AASS: variants seen among roughly 807,000 people sequenced by gnomAD.
The protein encoded by AASS is alpha-aminoadipic semialdehyde synthase, mitochondrial.
Under a neutral mutation model 105.4 loss-of-function variants are expected in AASS, and 86 were observed. The ratio of observed to expected loss-of-function variants is 0.82; its 90% CI spans 0.69 to 0.98. The LOEUF (loss-of-function observed/expected upper bound fraction) is 0.98, where lower values mean the gene tolerates loss of function less well. Among genes scored for constraint, AASS ranks in the 50% least tolerant of loss-of-function variants. The pLI is 0.00. For synonymous variants in AASS, 381 were observed against 394.8 expected, an observed-to-expected ratio of 0.96 and a Z score of 0.41; for missense variants, 1,048 against 1,143.2, an observed-to-expected ratio of 0.92 and a Z score of 1.20.
chr7:122,083,362 C>T (rs1163953731), intron 19 of AASS, among the ~76,000 whole-genome samples: 1 of 152,098 alleles, frequency 6.6e-6, no homozygotes, highest in Admixed American at 6.6e-5. Flanking sequence ...ATACTGATTT[C>T]TGAGCTATTT....
chr7:122,122,173 G>C (rs936725646), intron 4 of AASS, among the ~76,000 whole-genome samples: 7 of 151,906 alleles, frequency 4.6e-5, no homozygotes, highest in Non-Finnish European at 1.0e-4. Flanking sequence ...TTTTTGGCTT[G>C]GGGTTTATTG....
intron 1 of AASS, among the ~76,000 whole-genome samples, chr7:122,141,294 C>T (rs1369495591): frequency 6.6e-6 from 1 of 152,098 alleles, no homozygotes; most frequent in Non-Finnish European, 1.5e-5. Context: ...TTTCTCCAGC[C>T]CATCACCTAC....
intron 8 of AASS, 71 bp downstream of exon 8, chr7:122,116,562 T>G (rs1795186695): frequency 3.8e-6 from 6 of 1,592,726 alleles, no homozygotes; most frequent in Non-Finnish European, 3.4e-6. Context: ...ATTCATAATT[T>G]CTCTCCTTGA....
chr7:122,131,793 A>T (rs1795929863), intron 2 of AASS, among the ~76,000 whole-genome samples: 3 of 152,090 alleles, frequency 2.0e-5, no homozygotes, highest in Admixed American at 2.0e-4. Context: ...TAATTTCCTG[A>T]TGTGGGGCAG....
chr7:122,084,679 G>A (rs1793538627), intron 19 of AASS, among the ~76,000 whole-genome samples: 2 of 152,002 alleles, frequency 1.3e-5, no homozygotes, highest in African/African-American at 4.8e-5. Context: ...AATACCTGGA[G>A]GAAAAGTTCC....
At chr7:122,124,636 CT>C (rs909236834) in intron 4 of AASS, among the ~76,000 whole-genome samples, 44 of 152,090 alleles carry the variant, frequency 2.9e-4, no homozygotes, top group African/African-American at 1.0e-3. Context: ...TGTTTACTTG[CT>C]TGAATGCTTC....
chr7:122,115,090 G>C lies in AASS; in HGVS notation c.1027C>G (p.Pro343Ala), dbSNP rs753881981. ...AGTCCTTACTTGTGTGGTAATGCAGGGCAGCCTTCCACACCAGCAGGTGAG... is the reference window on the plus strand; with the variant it reads ...AGTCCTTACTTGTGTGGTAATGCAGCGCAGCCTTCCACACCAGCAGGTGAG... ...KFSPAGVEGCPALPHKLVAIC... is the reference protein window; with the variant it reads ...KFSPAGVEGCAALPHKLVAIC... Residue 343 changes from proline (P) to alanine (A), a missense_variant, in exon 9 of 24, where the codon CCT becomes GCT. Pro to Ala is a conservative substitution (Grantham distance 27, BLOSUM62 -1). Coordinates refer to ENST00000417368, the MANE Select transcript of AASS (RefSeq NM_005763.4). 1.9e-6 allele frequency: 3 copies of C among 1,613,944 alleles called. No homozygotes were observed. Among genetic ancestry groups the C allele is most frequent in the Non-Finnish European group, 2.5e-6 (3 of 1,179,994 alleles).
At chr7:122,076,649 G>T in intron 23 of AASS, 42 bp from the exon 24 acceptor site, 1 of 1,423,518 alleles carries the variant, frequency 7.0e-7, no homozygotes, top group Non-Finnish European at 9.9e-7. Flanking sequence ...CAAAGGTTGT[G>T]TCAGAGGTTA....
At chr7:122,129,682 G>T (rs1795819595) in intron 2 of AASS, 145 bp from the exon 3 acceptor site, 2 of 717,760 alleles carry the variant, frequency 2.8e-6, no homozygotes, top group Non-Finnish European at 4.7e-6. Flanking sequence ...ACAACTACTT[G>T]TAATGTTTGT....
At position 122,133,603 on chromosome 7, in the gene AASS, G is replaced by A. The variant is rs1410277099; in HGVS notation, c.124C>T (p.Leu42=). ...ATGCCTTTGATGTGCTTGGGAGCTA[G>A]CGGGGCCCTTCTCTCCCAGGCGTTC... ...DVNAWERRAP[L]APKHIKGITN... The change falls in exon 2 of 24, where the codon CTA becomes TTA. Residue 42 remains leucine, a synonymous_variant. Transcript: ENST00000417368. 2 of 1,614,012 alleles carry A rather than the reference G, an allele frequency of 1.2e-6. No homozygotes were observed. The highest frequency in any genetic ancestry group is 2.2e-5 in the East Asian group (1 of 44,884).
chr7:122,079,219 G>A lies in AASS; in HGVS notation c.2397-269C>T, dbSNP rs568131802. ...CCCATGTTCTTACAAAGATCTTTAT[G>A]AGATTAATTTATAGGTTAGTTCTCC... On this transcript the variant is annotated intron_variant, in intron 21 of 23. Transcript: ENST00000417368. 4.4e-4 allele frequency: 602 copies of A among 1,381,334 alleles called. 2 individuals are homozygous for A. The highest frequency in any genetic ancestry group is 2.2e-3 in the East Asian group (74 of 34,368). 85.6% of individuals were successfully genotyped at this position (1,381,334 alleles called of 1,614,324 possible). A position where few individuals can be genotyped will look rare whatever the true frequency, so the allele number is the denominator to read the frequency against.
intron 18 of AASS, 135 bp downstream of exon 18, chr7:122,091,568 G>T: frequency 7.3e-7 from 1 of 1,364,068 alleles, no homozygotes; most frequent in Non-Finnish European, 1.0e-6. Context: ...AATATACACT[G>T]GGAAACAACA....
At chr7:122,089,128 G>A (rs1340380038) in intron 18 of AASS, among the ~76,000 whole-genome samples, 1 of 152,064 alleles carries the variant, frequency 6.6e-6, no homozygotes, top group Non-Finnish European at 1.5e-5. Context: ...CCGCTCCACA[G>A]TGGAGGGTGG....
intron 23 of AASS, among the ~76,000 whole-genome samples, chr7:122,077,395 C>A (rs1422759459): frequency 1.3e-5 from 2 of 152,094 alleles, no homozygotes; most frequent in African/African-American, 4.8e-5. Flanking sequence ...GAGTGAATAT[C>A]TTTTTCTATT....
At chr7:122,081,196 C>G (rs1051687634) in intron 20 of AASS, among the ~76,000 whole-genome samples, 3 of 152,156 alleles carry the variant, frequency 2.0e-5, no homozygotes, top group Non-Finnish European at 4.4e-5. Context: ...ACTGGGTCAC[C>G]ACCTAGACAA....
At chr7:122,122,536 TA>T (rs1453493395) in intron 4 of AASS, among the ~76,000 whole-genome samples, 2 of 152,130 alleles carry the variant, frequency 1.3e-5, no homozygotes, top group Admixed American at 1.3e-4. Context: ...TGGCATTCAG[TA>T]AAAAATTATG....
intron 1 of AASS, among the ~76,000 whole-genome samples, chr7:122,143,576 G>C (rs1387751854): frequency 6.6e-6 from 1 of 151,472 alleles, no homozygotes; most frequent in African/African-American, 2.4e-5. Context: ...ACCCATCTCC[G>C]ATCCTTGCTG....
chr7:122,118,318 T>C lies in AASS; in HGVS notation c.676A>G (p.Asn226Asp), dbSNP rs772020515. 1.9e-6 allele frequency: 3 copies of C among 1,614,108 alleles called. No individual in the cohort carries two copies. In the South Asian group the frequency reaches 3.3e-5, roughly 18 times the overall value. ...PLTFVFTGTG[N>D]VSKGAQAIFN... ...CAGGTAAAAGTTACCTTAGAAACAT[T>C]ACCAGTTCCTGTGAACACAAATGTT... Residue 226 changes from asparagine (N) to aspartate (D), a missense_variant, in exon 6 of 24, where the codon AAT becomes GAT. Coordinates refer to ENST00000417368, the MANE Select transcript of AASS (RefSeq NM_005763.4).
intron 4 of AASS, among the ~76,000 whole-genome samples, chr7:122,123,702 G>T (rs1795533413): frequency 6.6e-6 from 1 of 152,054 alleles, no homozygotes; most frequent in South Asian, 2.1e-4. Context: ...CAACCTGAAG[G>T]GTCACCTTAG....
Sources: gnomAD v4.1 joint callset for allele counts (sites outside exome capture counted in the v4.1 genomes callset) on GRCh38, gnomAD v4.1.1 for gene constraint, MANE v1.5 for transcripts, NCBI Gene and HGNC (gene_info 2026-07-23, HGNC 2026-07-21) for gene names.